Variants in DST observed in about 807,000 individuals in gnomAD.
The protein encoded by DST is dystonin.
A neutral mutation model predicts 875.2 loss-of-function variants in DST; 253 were observed. That is an observed-to-expected ratio of 0.29 (90% CI 0.26 to 0.32). The LOEUF (loss-of-function observed/expected upper bound fraction) is 0.32. Among genes scored for constraint, DST ranks in the 10% least tolerant of loss-of-function variants. DST has a pLI of 1.00. For synonymous variants in DST, 3,124 were observed against 3,197.1 expected (o/e 0.98, Z 0.77); for missense variants, 8,287 against 9,111.6 (o/e 0.91, Z 3.68).
intron 3 of DST, among the ~76,000 whole-genome samples, chr6:56,864,874 C>CA (rs1435556527): frequency 3.3e-5 from 5 of 152,138 alleles, no homozygotes; most frequent in African/African-American, 4.8e-5. Flanking sequence ...ACATCACCTG[C>CA]ATGCTGTTGC....
chr6:56,684,765 G>T (rs184064829), intron 9 of DST, among the ~76,000 whole-genome samples: 1 of 152,314 alleles, frequency 6.6e-6, no homozygotes, highest in Non-Finnish European at 1.5e-5. Flanking sequence ...GCTGCACATA[G>T]ATAGGTCATG....
intron 73 of DST, 39 bp from the exon 74 acceptor site, chr6:56,509,912 T>A (rs776731440): frequency 2.8e-6 from 4 of 1,424,486 alleles, no homozygotes; most frequent in African/African-American, 2.9e-5. Flanking sequence ...GGAAAAAAGA[T>A]CTGTAATACC....
chr6:56,740,506 C>CA (rs924251787), intron 4 of DST, among the ~76,000 whole-genome samples: 16 of 152,318 alleles, frequency 1.1e-4, no homozygotes, highest in African/African-American at 3.9e-4. Flanking sequence ...AGAAGCCAGC[C>CA]ATGTGTCAAT....
intron 74 of DST, among the ~76,000 whole-genome samples, chr6:56,509,341 C>T (rs1184446520): frequency 2.0e-5 from 3 of 152,114 alleles, no homozygotes; most frequent in Admixed American, 6.5e-5. Context: ...CCAGATATGG[C>T]CTTATTAGCA....
At chr6:56,852,935 C>T (rs192219490) in intron 3 of DST, among the ~76,000 whole-genome samples, 107 of 152,324 alleles carry the variant, frequency 7.0e-4, no homozygotes, top group Admixed American at 7.0e-3. Flanking sequence ...ACCCTAGGTA[C>T]GTGAAATAAA....
At chr6:56,883,116 C>T (rs1439389353) in intron 3 of DST, among the ~76,000 whole-genome samples, 1 of 152,226 alleles carries the variant, frequency 6.6e-6, no homozygotes, top group Non-Finnish European at 1.5e-5. Flanking sequence ...GATCCACCCA[C>T]CTTGGCCTCC....
chr6:56,897,683 T>C (rs1354609664), intron 3 of DST, among the ~76,000 whole-genome samples: 3 of 152,148 alleles, frequency 2.0e-5, no homozygotes, highest in East Asian at 1.9e-4. Context: ...TCTCAGATTG[T>C]CTGTCCATCT....
chr6:56,502,936 C>T (rs573851389), intron 78 of DST, among the ~76,000 whole-genome samples: 2 of 152,162 alleles, frequency 1.3e-5, no homozygotes, highest in South Asian at 4.1e-4. Context: ...TAGCTGATCC[C>T]ATTTTGATAA....
At chr6:56,592,892 A>G (rs538765887) in intron 48 of DST, among the ~76,000 whole-genome samples, 4 of 151,560 alleles carry the variant, frequency 2.6e-5, no homozygotes, top group Non-Finnish European at 5.9e-5. Flanking sequence ...TTTTTTTTTC[A>G]AAAAAAACCT....
In DST at chr6:56,617,148, G is replaced by C. The variant is rs148116284; in HGVS notation, c.4930-2664C>G. The C allele has an allele frequency of 2.1e-4, 334 of 1,604,628 alleles. No homozygotes were observed. The highest frequency in any genetic ancestry group is 2.6e-4 in the Non-Finnish European group (307 of 1,173,536). ...AGCTGCTCAATTGTTCTCATGTCCAGAAGCTTAGCTTCCACCAACTGCCTG... is the reference window on the plus strand; with the variant it reads ...AGCTGCTCAATTGTTCTCATGTCCACAAGCTTAGCTTCCACCAACTGCCTG... On this transcript the variant is annotated intron_variant, in intron 36 of 103. Transcript: ENST00000680361.
Position 56,552,726 on chromosome 6 carries a change from C to T in DST, c.16066G>A (p.Val5356Met). The change falls in exon 61 of 104, where the codon GTG becomes ATG. Residue 5356 changes from valine (V) to methionine (M), a missense_variant. By Grantham distance (21) the Val-to-Met change is conservative (BLOSUM62 1). This residue lies in a region of DST where 1,513 missense variants were observed against 1,677.8 expected (regional missense o/e 0.90). Coordinates refer to ENST00000680361, the MANE Select transcript of DST (RefSeq NM_001374736.1). Reference protein sequence around the residue: ...SKGTSDVLLQVETIAQEHSTL... With the variant: ...SKGTSDVLLQMETIAQEHSTL... The stretch of plus-strand genomic sequence containing the variant: ...CTATGCTCTTGAGCTATGGTTTCCA[C>T]TTGTAATAAAACATCAGAGGTTCCC... 6.2e-7 allele frequency: 1 copy of T among 1,612,244 alleles called. No individual in the cohort carries two copies. The highest frequency in any genetic ancestry group is 8.5e-7 in the Non-Finnish European group (1 of 1,179,874).
intron 47 of DST, among the ~76,000 whole-genome samples, chr6:56,594,695 G>A (rs1286687034): frequency 6.6e-6 from 1 of 152,014 alleles, no homozygotes; most frequent in Non-Finnish European, 1.5e-5. Context: ...CAAGAACACT[G>A]TACATTCAGA....
At chr6:56,564,519 T>C (rs1367933976) in intron 55 of DST, among the ~76,000 whole-genome samples, 4 of 152,186 alleles carry the variant, frequency 2.6e-5, no homozygotes, top group African/African-American at 7.2e-5. Flanking sequence ...CATCCTCAAA[T>C]AGAGACAATT....
chr6:56,459,321 T>G (rs2094201899), intron 103 of DST, 54 bp from the exon 104 acceptor site: 1 of 1,537,950 alleles, frequency 6.5e-7, no homozygotes, highest in African/African-American at 1.4e-5. Flanking sequence ...CATCTGCAAC[T>G]AATTTTTGAA....
intron 9 of DST, chr6:56,692,493 C>T (rs1402192560): frequency 7.8e-7 from 1 of 1,289,574 alleles, no homozygotes; most frequent in Admixed American, 2.3e-5. Context: ...GGCAAAATCT[C>T]TCAGTGTTTT....
At position 56,472,241 on chromosome 6, in the gene DST, G is replaced by A. The variant is rs184424239; in HGVS notation, c.21995-19C>T. 1.3e-5 allele frequency: 21 copies of A among 1,610,346 alleles called. No homozygotes were observed. In the Admixed American group the frequency reaches 1.7e-4, roughly 13 times the overall value. Reference sequence around the variant, plus strand: ...CGTTTTCCTGTGAAGGTATAACTTCGGTTAGGATGGCAGTTTCCAGGGTGC... The same window carrying A: ...CGTTTTCCTGTGAAGGTATAACTTCAGTTAGGATGGCAGTTTCCAGGGTGC... On this transcript the variant is annotated intron_variant, in intron 93 of 103. Transcript: ENST00000680361.
intron 5 of DST, among the ~76,000 whole-genome samples, chr6:56,726,773 T>C (rs1181450389): frequency 3.3e-5 from 5 of 152,234 alleles, no homozygotes; most frequent in South Asian, 2.1e-4. Context: ...AGAAGTAATA[T>C]AGTATACTAG....
rs141972104 is a variant in DST, at chr6:56,646,934, T to C, written c.1555-752A>G. 5.7e-3 allele frequency among the ~76,000 whole-genome samples: 862 copies of C among 152,326 alleles called. 6 individuals are homozygous for C. The highest frequency in any genetic ancestry group is 6.6e-3 in the Non-Finnish European group (448 of 68,028). ...TACAAAACAAGACCCTGTAAATCTTTAGGATGACACATTTCTGAAGGATTC... is the reference window on the plus strand; with the variant it reads ...TACAAAACAAGACCCTGTAAATCTTCAGGATGACACATTTCTGAAGGATTC... On this transcript the variant is annotated intron_variant, in intron 13 of 103. Transcript: ENST00000680361.
chr6:56,787,723 T>C (rs1055435929), intron 4 of DST, among the ~76,000 whole-genome samples: 1 of 152,222 alleles, frequency 6.6e-6, no homozygotes, highest in Non-Finnish European at 1.5e-5. Flanking sequence ...CAATCATGGT[T>C]ATTAGATTCT....
Sources: allele counts gnomAD v4.1 joint callset (sites outside exome capture counted in the v4.1 genomes callset), GRCh38; gene constraint gnomAD v4.1.1; regional missense constraint gnomAD v4.1.1; transcripts MANE v1.5; gene names NCBI Gene and HGNC (gene_info 2026-07-23, HGNC 2026-07-21).